Variants in SORCS3 observed in about 807,000 individuals in gnomAD.
SORCS3 encodes the protein sortilin related VPS10 domain containing receptor 3, also known as VPS10 domain-containing receptor SorCS3.
Under a neutral mutation model 146.3 loss-of-function variants are expected in SORCS3, and 57 were observed. The observed-to-expected ratio is 0.39, with a 90% CI of 0.31 to 0.49. SORCS3 has a LOEUF of 0.49. Ranked by LOEUF, SORCS3 falls within the 20% of genes least tolerant of loss-of-function variation. SORCS3 has a pLI of 0.92. For synonymous variants in SORCS3, 653 were observed against 618.5 expected (o/e 1.06, Z -0.83); for missense variants, 1,341 against 1,575.5 (o/e 0.85, Z 2.52).
intron 5 of SORCS3, among the ~76,000 whole-genome samples, chr10:105,061,489 G>A (rs544155395): frequency 6.6e-6 from 1 of 151,854 alleles, no homozygotes; most frequent in Non-Finnish European, 1.5e-5. Flanking sequence ...TAGAGACAGG[G>A]TTTCACCGTG....
chr10:104,876,985 C>T (rs1361387699), intron 2 of SORCS3, among the ~76,000 whole-genome samples: 1 of 152,072 alleles, frequency 6.6e-6, no homozygotes, highest in Non-Finnish European at 1.5e-5. Context: ...ACCACAAGTA[C>T]ATGTCACCAT....
At chr10:105,148,164 A>AGGGAGT (rs2056144995) in intron 9 of SORCS3, among the ~76,000 whole-genome samples, 1 of 152,014 alleles carries the variant, frequency 6.6e-6, no homozygotes, top group Non-Finnish European at 1.5e-5. Context: ...CCCTGAATGG[A>AGGGAGT]GGGAGTGGTG....
Position 105,027,154 on chromosome 10 carries a change from T to C in SORCS3, c.955-15901T>C, listed in dbSNP as rs1260768530. On this transcript the variant is annotated intron_variant, in intron 4 of 26. Coordinates refer to ENST00000369701, the MANE Select transcript of SORCS3 (RefSeq NM_014978.3). ...CTCAAGACGCTGTGGGTCTGTATCC[T>C]TCCCATCCTTCCATCCTAGGTGACT... is the stretch of plus-strand genomic sequence containing the variant. Among the ~76,000 whole-genome samples, 3 of 152,098 alleles carry C rather than the reference T, an allele frequency of 2.0e-5. No individual in the cohort carries two copies. The East Asian group carries it at 5.8e-4, about 29-fold the overall frequency.
chr10:104,649,023 GA>G (rs1564650792), intron 1 of SORCS3, among the ~76,000 whole-genome samples: 1 of 152,158 alleles, frequency 6.6e-6, no homozygotes, highest in Non-Finnish European at 1.5e-5. Flanking sequence ...TTCTTTAGGG[GA>G]AAAACTGGAA....
At chr10:104,652,028 G>A (rs1359285953) in intron 1 of SORCS3, among the ~76,000 whole-genome samples, 1 of 150,944 alleles carries the variant, frequency 6.6e-6, no homozygotes, top group Non-Finnish European at 1.5e-5. Context: ...GCTCCCTGTG[G>A]GATTAAACCC....
intron 1 of SORCS3, among the ~76,000 whole-genome samples, chr10:104,721,960 AC>A (rs1177939909): frequency 2.0e-5 from 3 of 152,110 alleles, no homozygotes; most frequent in African/African-American, 7.2e-5. Flanking sequence ...CTAATTGAAT[AC>A]CCTTTATTTC....
chr10:104,696,729 A>C (rs1215877555), intron 1 of SORCS3, among the ~76,000 whole-genome samples: 1 of 77,830 alleles, frequency 1.3e-5, no homozygotes, highest in Non-Finnish European at 2.4e-5. Context: ...TAACATATAT[A>C]ATATATAATA....
At chr10:104,861,256 A>G (rs2018398040) in intron 2 of SORCS3, among the ~76,000 whole-genome samples, 1 of 152,194 alleles carries the variant, frequency 6.6e-6, no homozygotes, top group Non-Finnish European at 1.5e-5. Flanking sequence ...TGTACAGAGA[A>G]GTGAAAAGCA....
At chr10:104,953,879 A>C (rs1425648544) in intron 3 of SORCS3, among the ~76,000 whole-genome samples, 2 of 152,226 alleles carry the variant, frequency 1.3e-5, no homozygotes, top group African/African-American at 4.8e-5. Flanking sequence ...TAAATGACAC[A>C]AAAGCATATT....
intron 2 of SORCS3, among the ~76,000 whole-genome samples, chr10:104,894,843 G>A (rs552517487): frequency 1.3e-5 from 2 of 152,154 alleles, no homozygotes; most frequent in Non-Finnish European, 2.9e-5. Flanking sequence ...GAGAAGTGAC[G>A]AGCTCAGTTT....
At chr10:104,883,257 C>T (rs754940475) in intron 2 of SORCS3, among the ~76,000 whole-genome samples, 1 of 152,194 alleles carries the variant, frequency 6.6e-6, no homozygotes, top group Non-Finnish European at 1.5e-5. Flanking sequence ...AGCCTTTCAG[C>T]AGTGAGAGTC....
At chr10:104,970,670 A>C (rs1474486242) in intron 3 of SORCS3, among the ~76,000 whole-genome samples, 1 of 152,214 alleles carries the variant, frequency 6.6e-6, no homozygotes, top group Non-Finnish European at 1.5e-5. Context: ...ATTTCTTAAA[A>C]ATTTGCTGAT....
chr10:105,012,312 A>C (rs1390679322), intron 4 of SORCS3, among the ~76,000 whole-genome samples: 1 of 152,186 alleles, frequency 6.6e-6, no homozygotes, highest in Non-Finnish European at 1.5e-5. Flanking sequence ...AAACTGGAGC[A>C]GGTCAAGAAA....
intron 1 of SORCS3, among the ~76,000 whole-genome samples, chr10:104,650,714 A>G (rs1480453527): frequency 5.9e-5 from 9 of 152,186 alleles, no homozygotes; most frequent in Non-Finnish European, 7.3e-5. Flanking sequence ...TAAATACTTA[A>G]AAGTGCCTGG....
intron 1 of SORCS3, among the ~76,000 whole-genome samples, chr10:104,688,531 TTTC>T: frequency 6.6e-6 from 1 of 152,290 alleles, no homozygotes; most frequent in East Asian, 1.9e-4. Flanking sequence ...CCGCTTCTGT[TTTC>T]TTCTTGAAAG....
intron 1 of SORCS3, among the ~76,000 whole-genome samples, chr10:104,830,672 G>T (rs999582247): frequency 6.6e-5 from 10 of 152,182 alleles, no homozygotes; most frequent in African/African-American, 2.2e-4. Flanking sequence ...AATTTGCAGA[G>T]CCCTGGTTAC....
chr10:105,052,097 G>A (rs1300682516), intron 5 of SORCS3, among the ~76,000 whole-genome samples: 3 of 152,082 alleles, frequency 2.0e-5, no homozygotes, highest in East Asian at 3.9e-4. Context: ...AAGACATGCC[G>A]GACCCTTGAT....
chr10:105,214,457 G>A lies in SORCS3; in HGVS notation c.2391G>A (p.Val797=). ...TTCTACTTAGGTATCGGCGGATTGT[G>A]TCCAACAACTGCACAGATGGGCTAA... ...YLNSTGYRRI[V]SNNCTDGLRE... The change falls in exon 18 of 27, where the codon GTG becomes GTA. Residue 797 remains valine, a synonymous_variant. Coordinates refer to ENST00000369701, the MANE Select transcript of SORCS3 (RefSeq NM_014978.3). 1 of 1,614,122 alleles carries A rather than the reference G, an allele frequency of 6.2e-7. No individual in the cohort carries two copies. The highest frequency in any genetic ancestry group is 1.1e-5 in the South Asian group (1 of 91,072).
At chr10:104,722,580 A>G (rs1430568734) in intron 1 of SORCS3, among the ~76,000 whole-genome samples, 6 of 152,234 alleles carry the variant, frequency 3.9e-5, no homozygotes, top group African/African-American at 1.4e-4. Flanking sequence ...TACCTCTGGT[A>G]GAATTTGGCT....
Sources: allele counts gnomAD v4.1 joint callset (sites outside exome capture counted in the v4.1 genomes callset), GRCh38; gene constraint gnomAD v4.1.1; transcripts MANE v1.5; gene names NCBI Gene and HGNC (gene_info 2026-07-23, HGNC 2026-07-21).